GPHN: variants seen among roughly 807,000 people sequenced by gnomAD.
The protein encoded by GPHN is gephyrin.
In GPHN, 17 loss-of-function variants were observed where a neutral mutation model predicts 95.5. The ratio of observed to expected loss-of-function variants is 0.18; its 90% CI spans 0.12 to 0.27. The LOEUF (loss-of-function observed/expected upper bound fraction) is 0.27, where lower values mean the gene tolerates loss of function less well. Ranked by LOEUF, GPHN falls within the 10% of genes least tolerant of loss-of-function variation. GPHN has a pLI of 1.00. For synonymous variants in GPHN, 320 were observed against 322.5 expected (o/e 0.99, Z 0.08); for missense variants, 660 against 978.1 (o/e 0.67, Z 4.34).
At chr14:67,712,367 G>GT in the GPHN span, among the ~76,000 whole-genome samples, 1 of 151,722 alleles carries the variant, frequency 6.6e-6, no homozygotes, top group African/African-American at 2.4e-5. Flanking sequence ...GTTGTTTTTT[G>GT]TTTTTTAATA....
chr14:67,222,004 C>T, the GPHN span: 2 of 618,758 alleles, frequency 3.2e-6, no homozygotes, highest in Non-Finnish European at 5.3e-6. Flanking sequence ...CTCAGGCTAT[C>T]TTTCAAGTGG....
At chr14:67,332,953 G>A in the GPHN span, 27 of 1,602,648 alleles carry the variant, frequency 1.7e-5, no homozygotes, top group Non-Finnish European at 2.3e-5. Flanking sequence ...CTTGGCTGAG[G>A]TGAAAGAAAC....
chr14:66,948,636 G>A (rs2067899459), intron 8 of GPHN, among the ~76,000 whole-genome samples: 3 of 152,032 alleles, frequency 2.0e-5, no homozygotes, highest in Non-Finnish European at 4.4e-5. Flanking sequence ...TTTAGGCTAG[G>A]CCATTTCACA....
chr14:66,508,386 C>A lies in GPHN; in HGVS notation c.-142C>A. 1.3e-6 allele frequency: 1 copy of A among 793,354 alleles called. No individual in the cohort carries two copies. Among genetic ancestry groups the A allele is most frequent in the Non-Finnish European group, 2.2e-6 (1 of 449,092 alleles). The allele number at this position is 793,354 out of a possible 1,614,324, so 49.1% of individuals were successfully genotyped here. A position where few individuals can be genotyped will look rare whatever the true frequency, so the allele number is the denominator to read the frequency against. On this transcript the variant is annotated 5_prime_UTR_variant, in exon 1 of 23. Coordinates refer to ENST00000478722, the MANE Select transcript of GPHN (RefSeq NM_020806.5). ...ACGCAGGCCACCGTGCACTCTGTGGCCTCCCCCTCCTTCCCCGCTCTCCTC... is the reference window on the plus strand; with the variant it reads ...ACGCAGGCCACCGTGCACTCTGTGGACTCCCCCTCCTTCCCCGCTCTCCTC...
At chr14:66,613,922 C>T (rs2062887916) in intron 1 of GPHN, among the ~76,000 whole-genome samples, 1 of 152,076 alleles carries the variant, frequency 6.6e-6, no homozygotes, top group South Asian at 2.1e-4. Context: ...TTGATATTAT[C>T]AGTCTTTCAT....
chr14:66,785,409 A>G (rs1178802414), intron 3 of GPHN, among the ~76,000 whole-genome samples: 1 of 152,154 alleles, frequency 6.6e-6, no homozygotes, highest in Non-Finnish European at 1.5e-5. Flanking sequence ...AAAAAGCATT[A>G]GTGGCTGTAT....
chr14:67,680,728 G>A, the GPHN span, among the ~76,000 whole-genome samples: 1 of 152,184 alleles, frequency 6.6e-6, no homozygotes, highest in African/African-American at 2.4e-5. Flanking sequence ...CAAAGTGCAG[G>A]GATTACAGGC....
intron 2 of GPHN, among the ~76,000 whole-genome samples, chr14:66,685,938 C>T (rs1454330361): frequency 6.6e-6 from 1 of 152,068 alleles, no homozygotes; most frequent in Non-Finnish European, 1.5e-5. Flanking sequence ...GTGTAAGGAA[C>T]GGATCCAGTT....
intron 4 of GPHN, among the ~76,000 whole-genome samples, chr14:66,837,787 A>G (rs972747566): frequency 1.3e-5 from 2 of 151,806 alleles, no homozygotes; most frequent in Non-Finnish European, 2.9e-5. Flanking sequence ...TATATGAAGA[A>G]CCCACAAATA....
At chr14:67,482,457 C>T in the GPHN span, among the ~76,000 whole-genome samples, 1 of 152,196 alleles carries the variant, frequency 6.6e-6, no homozygotes, top group East Asian at 1.9e-4. Context: ...ATTCCCCTCC[C>T]ATGCAACCGG....
intron 21 of GPHN, among the ~76,000 whole-genome samples, chr14:67,176,354 G>T (rs1439281036): frequency 1.3e-5 from 2 of 152,256 alleles, no homozygotes; most frequent in East Asian, 3.9e-4. Context: ...TTTGTCGTTG[G>T]TTCTGTTTAT....
intron 2 of GPHN, among the ~76,000 whole-genome samples, chr14:66,697,516 T>A (rs2068181259): frequency 6.6e-6 from 1 of 152,306 alleles, no homozygotes; most frequent in East Asian, 1.9e-4. Context: ...CAAATTAGAT[T>A]GGAGATACTG....
intron 1 of GPHN, among the ~76,000 whole-genome samples, chr14:66,511,130 C>T (rs1358475057): frequency 8.5e-5 from 13 of 152,126 alleles, no homozygotes; most frequent in Non-Finnish European, 1.8e-4. Context: ...TTTCTCAAGT[C>T]TGTAACTAGT....
chr14:66,576,483 AC>A (rs1406489286), intron 1 of GPHN, among the ~76,000 whole-genome samples: 3 of 124,946 alleles, frequency 2.4e-5, no homozygotes, highest in African/African-American at 4.4e-5. Flanking sequence ...TCCTCTCTGT[AC>A]TTTTTTTTTT....
the GPHN span, among the ~76,000 whole-genome samples, chr14:67,495,852 A>C: frequency 6.6e-6 from 1 of 152,234 alleles, no homozygotes; most frequent in Non-Finnish European, 1.5e-5. Context: ...TGCCTGACTT[A>C]GGCCTTGAGG....
intron 9 of GPHN, among the ~76,000 whole-genome samples, chr14:66,987,712 G>A (rs906075547): frequency 5.3e-5 from 8 of 151,934 alleles, no homozygotes; most frequent in African/African-American, 1.9e-4. Context: ...CTAATGCTTT[G>A]GGGAGAAAAG....
chr14:67,519,906 A>G, the GPHN span, among the ~76,000 whole-genome samples: 18 of 151,560 alleles, frequency 1.2e-4, no homozygotes, highest in African/African-American at 4.4e-4. Context: ...TATTTTTTGT[A>G]GAGACTGGAT....
At chr14:66,650,138 A>G (rs2064970335) in intron 1 of GPHN, among the ~76,000 whole-genome samples, 1 of 152,058 alleles carries the variant, frequency 6.6e-6, no homozygotes, top group South Asian at 2.1e-4. Context: ...CGAGAGTCTT[A>G]CATAAGTTAT....
At chr14:67,437,700 T>C in the GPHN span, among the ~76,000 whole-genome samples, 2,175 of 151,968 alleles carry the variant, frequency 0.014, 59 homozygotes, top group African/African-American at 0.05. Context: ...TTTGGGAGGT[T>C]GTACCTAGAG....
Sources: gnomAD v4.1 joint callset for allele counts (sites outside exome capture counted in the v4.1 genomes callset) on GRCh38, gnomAD v4.1.1 for gene constraint, MANE v1.5 for transcripts, NCBI Gene and HGNC (gene_info 2026-07-23, HGNC 2026-07-21) for gene names.